Variants in ANGEL2 observed in about 807,000 individuals in gnomAD.
ANGEL2 encodes angel homolog 2.
Under a neutral mutation model 66.0 loss-of-function variants are expected in ANGEL2, and 41 were observed. The observed-to-expected ratio is 0.62, with a 90% CI of 0.48 to 0.81. The LOEUF (loss-of-function observed/expected upper bound fraction) is 0.81. ANGEL2 is among the 30% of genes least tolerant of loss of function. The pLI is 0.00. For missense variants in ANGEL2, 561 were observed against 641.6 expected (o/e 0.87, Z 1.36); for synonymous variants, 208 against 226.5 (o/e 0.92, Z 0.73).
chr1:212,994,946 G>T lies in ANGEL2; in HGVS notation c.*95C>A. 8.5e-7 allele frequency: 1 copy of T among 1,180,428 alleles called. No individual in the cohort carries two copies. The highest frequency in any genetic ancestry group is 1.1e-6 in the Non-Finnish European group (1 of 894,504). 73.1% of individuals were successfully genotyped at this position (1,180,428 alleles called of 1,614,324 possible). A position where few individuals can be genotyped will look rare whatever the true frequency, so the allele number is the denominator to read the frequency against. ...ACATAACCGCTTCAGAATCTCCACAGTGCAAAAATAAACAACATGCATACA... is the reference window on the plus strand; with the variant it reads ...ACATAACCGCTTCAGAATCTCCACATTGCAAAAATAAACAACATGCATACA... On this transcript the variant is annotated 3_prime_UTR_variant, in exon 9 of 9. Coordinates refer to ENST00000366962, the MANE Select transcript of ANGEL2 (RefSeq NM_144567.5).
chr1:213,002,713 T>A (rs985216178), intron 5 of ANGEL2, among the ~76,000 whole-genome samples: 1 of 151,606 alleles, frequency 6.6e-6, no homozygotes, highest in Non-Finnish European at 1.5e-5. Flanking sequence ...AGCCCAGGAG[T>A]TCGAGACCAG....
intron 7 of ANGEL2, among the ~76,000 whole-genome samples, chr1:212,999,702 G>C (rs1338779813): frequency 6.6e-6 from 1 of 152,162 alleles, no homozygotes; most frequent in Non-Finnish European, 1.5e-5. Flanking sequence ...TTATTAACAT[G>C]TATCAATTTC....
chr1:213,015,533 C>CCCGG, intron 1 of ANGEL2, 80 bp downstream of exon 1: 1 of 1,533,134 alleles, frequency 6.5e-7, no homozygotes, highest in Non-Finnish European at 8.8e-7. Context: ...CGCCCCGCCC[C>CCCGG]GGGTTAGTCC....
At chr1:212,997,788 T>C (rs1478950715) in intron 7 of ANGEL2, among the ~76,000 whole-genome samples, 1 of 152,208 alleles carries the variant, frequency 6.6e-6, no homozygotes, top group Non-Finnish European at 1.5e-5. Flanking sequence ...GTTTATTATA[T>C]TTGCCCCATG....
Position 213,013,124 on chromosome 1 carries a change from A to G in ANGEL2, c.354T>C (p.Asp118=), listed in dbSNP as rs780735643. Residue 118 remains aspartate (D), a synonymous_variant, in exon 2 of 9, where the codon GAT becomes GAC. Transcript: ENST00000366962. Reference sequence around the variant, plus strand: ...GTTTTCTTCGTTTTGATGAAGGCTCATCTCCCTCAGCGTTCATGACGTAAC... The same window carrying G: ...GTTTTCTTCGTTTTGATGAAGGCTCGTCTCCCTCAGCGTTCATGACGTAAC... ...LSSYVMNAEG[D]EPSSKRRKHQ... is the part of the protein sequence containing the mutation. 5.6e-6 allele frequency: 9 copies of G among 1,614,034 alleles called. No individual in the cohort carries two copies. The highest frequency in any genetic ancestry group is 1.7e-5 in the Admixed American group (1 of 59,988).
At chr1:213,015,538 T>G in intron 1 of ANGEL2, 75 bp downstream of exon 1, 6 of 1,300,928 alleles carry the variant, frequency 4.6e-6, no homozygotes, top group Non-Finnish European at 6.1e-6. Flanking sequence ...CGCCCCGGGT[T>G]AGTCCCGGAC....
intron 8 of ANGEL2, 86 bp downstream of exon 8, chr1:212,997,069 A>T: frequency 8.3e-7 from 1 of 1,209,184 alleles, no homozygotes; most frequent in East Asian, 2.4e-5. Context: ...CTTCAACTGG[A>T]TGTTTAGAGA....
intron 6 of ANGEL2, 133 bp downstream of exon 6, chr1:213,000,653 A>T: frequency 9.4e-7 from 1 of 1,069,264 alleles, no homozygotes; most frequent in Non-Finnish European, 1.3e-6. Context: ...CTTAAGAAAA[A>T]AAATGAATAA....
Position 213,005,285 on chromosome 1 carries a change from G to C in ANGEL2, c.882C>G (p.Pro294=), listed in dbSNP as rs1332710189. The part of the protein sequence containing the change: ...DNVGLVLLLQ[P]KIPYAACPAI... ...CAGGGCAGGCAGCATATGGAATTTT[G>C]GGCTGTAAGAGTAAAACTAATCCAA... The change falls in exon 5 of 9, where the codon CCC becomes CCG. Residue 294 remains proline (P), a synonymous_variant. Coordinates refer to ENST00000366962, the MANE Select transcript of ANGEL2 (RefSeq NM_144567.5). 5 of 1,614,186 alleles carry C rather than the reference G, an allele frequency of 3.1e-6. No individual in the cohort carries two copies. The highest frequency in any genetic ancestry group is 2.7e-5 in the African/African-American group (2 of 75,044).
In ANGEL2 at chr1:213,000,402, A is replaced by C; in HGVS notation, c.1262-19T>G. 6.2e-7 allele frequency: 1 copy of C among 1,601,146 alleles called. No homozygotes were observed. The highest frequency in any genetic ancestry group is 8.6e-7 in the Non-Finnish European group (1 of 1,168,932). On this transcript the variant is annotated intron_variant, in intron 6 of 8. Coordinates refer to ENST00000366962, the MANE Select transcript of ANGEL2 (RefSeq NM_144567.5). The stretch of plus-strand genomic sequence containing the variant: ...TCACTGTCTGTAAGAATAGAGGAAA[A>C]TATATTAATGTTATTGTTCTAGTTT...
intron 5 of ANGEL2, among the ~76,000 whole-genome samples, chr1:213,003,768 T>G (rs757790754): frequency 1.8e-4 from 28 of 152,214 alleles, no homozygotes; most frequent in Middle Eastern, 6.8e-3. Context: ...GTTGGAAAAA[T>G]GGCAATGATA....
At chr1:212,998,969 C>T (rs1447578968) in intron 7 of ANGEL2, among the ~76,000 whole-genome samples, 1 of 151,914 alleles carries the variant, frequency 6.6e-6, no homozygotes, top group Admixed American at 6.6e-5. Context: ...AACCTCTGCC[C>T]CCCAGGGTTC....
At chr1:213,015,318 G>T in intron 1 of ANGEL2, 1 of 1,334,938 alleles carries the variant, frequency 7.5e-7, no homozygotes, top group Non-Finnish European at 9.6e-7. Flanking sequence ...AGGCTGGGTT[G>T]GGGGAAGCAG....
intron 8 of ANGEL2, among the ~76,000 whole-genome samples, chr1:212,996,579 TG>T (rs2076013813): frequency 7.6e-6 from 1 of 131,078 alleles, no homozygotes; most frequent in Admixed American, 8.7e-5. Flanking sequence ...CCGAGAATCA[TG>T]CCACTGCACT....
chr1:212,995,026 T>C lies in ANGEL2; in HGVS notation c.*15A>G, dbSNP rs200542196. 187 of 1,585,264 alleles carry C rather than the reference T, an allele frequency of 1.2e-4. No homozygotes were observed. In the African/African-American group the frequency reaches 2.2e-3, roughly 19 times the overall value. On this transcript the variant is annotated 3_prime_UTR_variant, in exon 9 of 9. Transcript: ENST00000366962. ...ATACAAATTGGAAAGAAAATTAGTA[T>C]GTGATCAAAGAGAGTCAGAGCTCAA... is the stretch of plus-strand genomic sequence containing the variant.
At chr1:213,010,338 A>C (rs1294890715) in intron 2 of ANGEL2, among the ~76,000 whole-genome samples, 3 of 151,334 alleles carry the variant, frequency 2.0e-5, no homozygotes, top group Non-Finnish European at 2.9e-5. Flanking sequence ...TTGGGAGGCC[A>C]AGGCGGGTGG....
chr1:213,008,220 A>G lies in ANGEL2; in HGVS notation c.632T>C (p.Phe211Ser). Residue 211 changes from phenylalanine to serine, a missense_variant, in exon 3 of 9, where the codon TTT (phenylalanine) becomes TCT (serine). Transcript: ENST00000366962. ...FPNILKEIKHFDADVLCLQEV... is the reference protein window; with the variant it reads ...FPNILKEIKHSDADVLCLQEV... ...ATATTTTGCACTTACGTCTGCATCA[A>G]AATGTTTAATTTCTTTCAGAATATT... The G allele has an allele frequency of 6.2e-7, 1 of 1,612,584 alleles. No homozygotes were observed. Among genetic ancestry groups the G allele is most frequent in the South Asian group, 1.1e-5 (1 of 90,728 alleles).
At chr1:213,011,496 C>G in intron 2 of ANGEL2, 3 of 1,074,098 alleles carry the variant, frequency 2.8e-6, no homozygotes, top group Non-Finnish European at 3.4e-6. Flanking sequence ...AGGTTGTAAT[C>G]AAGCTTTATC....
intron 7 of ANGEL2, among the ~76,000 whole-genome samples, chr1:212,998,520 CTT>C (rs549600424): frequency 1.4e-4 from 19 of 135,032 alleles, no homozygotes; most frequent in African/African-American, 2.2e-4. Context: ...AAAAAAGTAT[CTT>C]TTTTTTTTTT....
Sources: gnomAD v4.1 joint callset for allele counts (sites outside exome capture counted in the v4.1 genomes callset) on GRCh38, gnomAD v4.1.1 for gene constraint, MANE v1.5 for transcripts, NCBI Gene and HGNC (gene_info 2026-07-23, HGNC 2026-07-21) for gene names.